The following RUNX1T1 variants were observed in gnomAD, a reference collection of about 807,000 sequenced individuals.
RUNX1T1 encodes the protein protein CBFA2T1.
Under a neutral mutation model 62.8 loss-of-function variants are expected in RUNX1T1, and 4 were observed. The observed-to-expected ratio is 0.06, with a 90% CI of 0.03 to 0.15. The LOEUF (loss-of-function observed/expected upper bound fraction) is 0.15. Among genes scored for constraint, RUNX1T1 ranks in the 10% least tolerant of loss-of-function variants. The probability of loss-of-function intolerance (pLI) is 1.00; values close to 1 mark genes in which losing one functional copy is unlikely to be tolerated. For synonymous variants in RUNX1T1, 291 were observed against 286.0 expected (o/e 1.02, Z -0.18); for missense variants, 508 against 754.3 (o/e 0.67, Z 3.82).
At chr8:92,051,324 C>T (rs867379816) in intron 1 of RUNX1T1, among the ~76,000 whole-genome samples, 1 of 151,966 alleles carries the variant, frequency 6.6e-6, no homozygotes, top group African/African-American at 2.4e-5. Flanking sequence ...GCCCAACCCT[C>T]GAAAAGTGTT....
chr8:91,955,439 CAA>C (rs1809213263), downstream of RUNX1T1: 1 of 227,082 alleles, frequency 4.4e-6, no homozygotes, highest in Non-Finnish European at 8.7e-6. Context: ...CCTAACTGTC[CAA>C]AGTGTGGGAG....
At chr8:92,018,045 C>A (rs770555163) in intron 1 of RUNX1T1, among the ~76,000 whole-genome samples, 1 of 151,408 alleles carries the variant, frequency 6.6e-6, no homozygotes, top group Non-Finnish European at 1.5e-5. Context: ...TAATCTCAAA[C>A]AGAGTTAAGA....
chr8:92,026,584 G>C (rs1051048294), intron 1 of RUNX1T1, among the ~76,000 whole-genome samples: 1 of 152,238 alleles, frequency 6.6e-6, no homozygotes, highest in Admixed American at 6.5e-5. Context: ...TACTTTGGGA[G>C]GCTGAGGCAG....
intron 10 of RUNX1T1, among the ~76,000 whole-genome samples, chr8:91,969,577 G>A (rs1222361147): frequency 1.3e-5 from 2 of 152,162 alleles, no homozygotes; most frequent in African/African-American, 4.8e-5. Flanking sequence ...GGAAAAGTCA[G>A]CAGTTAAAGG....
downstream of RUNX1T1, chr8:91,958,741 AAAAAAAC>A (rs1315666404): frequency 2.2e-5 from 4 of 181,270 alleles, no homozygotes; most frequent in Non-Finnish European, 4.7e-5. Flanking sequence ...AAAAAAAAAA[AAAAAAAC>A]AAAAAGCATG....
intron 1 of RUNX1T1, among the ~76,000 whole-genome samples, chr8:92,045,461 G>A (rs956704831): frequency 2.6e-5 from 4 of 152,206 alleles, no homozygotes; most frequent in Non-Finnish European, 4.4e-5. Context: ...TCTGCAAAAC[G>A]AGTTCTTCCT....
At chr8:92,014,620 C>T (rs779744745) in exon 3 of RUNX1T1, 26 of 1,612,952 alleles carry the variant, frequency 1.6e-5, no homozygotes, top group Non-Finnish European at 2.2e-5. Flanking sequence ...TCTCCTATCT[C>T]GGGTGAAATG....
intron 1 of RUNX1T1, among the ~76,000 whole-genome samples, chr8:92,026,788 C>T (rs1033019490): frequency 2.0e-5 from 3 of 150,748 alleles, no homozygotes; most frequent in Non-Finnish European, 4.4e-5. Flanking sequence ...TGCCACTGCA[C>T]TCCAGCCTGG....
intron 10 of RUNX1T1, among the ~76,000 whole-genome samples, chr8:91,963,231 T>C (rs1269578419): frequency 6.6e-6 from 1 of 152,192 alleles, no homozygotes; most frequent in African/African-American, 2.4e-5. Context: ...GTTTTACCTC[T>C]AGTTTCATTC....
chr8:92,067,458 G>A (rs1833034488), upstream of RUNX1T1, among the ~76,000 whole-genome samples: 1 of 152,156 alleles, frequency 6.6e-6, no homozygotes, highest in Non-Finnish European at 1.5e-5. Flanking sequence ...ATCAGTTAAA[G>A]TAAGTTAATA....
intron 1 of RUNX1T1, among the ~76,000 whole-genome samples, chr8:92,082,232 G>A (rs1835388685): frequency 6.6e-6 from 1 of 152,198 alleles, no homozygotes; most frequent in Non-Finnish European, 1.5e-5. Flanking sequence ...TCTAAGTGCA[G>A]TGAAAGGTTT....
intron 1 of RUNX1T1, among the ~76,000 whole-genome samples, chr8:92,026,549 C>A (rs1355598608): frequency 6.6e-6 from 1 of 152,242 alleles, no homozygotes; most frequent in Non-Finnish European, 1.5e-5. Flanking sequence ...CGGCTGGGCA[C>A]AGTGGCTCAT....
At chr8:92,062,846 A>G in exon 1 of RUNX1T1, 1 of 1,415,420 alleles carries the variant, frequency 7.1e-7, no homozygotes, top group Non-Finnish European at 9.2e-7. Flanking sequence ...ATGTGTGTGC[A>G]AAGTATCACA....
At chr8:92,090,123 G>A (rs900681613) in intron 1 of RUNX1T1, among the ~76,000 whole-genome samples, 1 of 151,088 alleles carries the variant, frequency 6.6e-6, no homozygotes, top group Non-Finnish European at 1.5e-5. Context: ...CAGCAAGTCA[G>A]TGATTGAACT....
At chr8:92,091,410 G>C (rs1836990936) in intron 1 of RUNX1T1, among the ~76,000 whole-genome samples, 1 of 152,136 alleles carries the variant, frequency 6.6e-6, no homozygotes, top group Admixed American at 6.5e-5. Context: ...AAACAAGCAG[G>C]TCTTACACTT....
chr8:92,055,634 T>C (rs1166948430), intron 1 of RUNX1T1, among the ~76,000 whole-genome samples: 1 of 152,180 alleles, frequency 6.6e-6, no homozygotes, highest in African/African-American at 2.4e-5. Flanking sequence ...AAGCAAACAC[T>C]GGTATATAAA....
chr8:91,994,792 T>C (rs978290222), intron 5 of RUNX1T1, among the ~76,000 whole-genome samples: 16 of 152,220 alleles, frequency 1.1e-4, no homozygotes, highest in Admixed American at 3.9e-4. Context: ...GGGTTCCACC[T>C]AAGATTTCAT....
At chr8:91,986,635 T>C (rs192289123) in intron 7 of RUNX1T1, among the ~76,000 whole-genome samples, 1 of 152,282 alleles carries the variant, frequency 6.6e-6, no homozygotes, top group East Asian at 1.9e-4. Flanking sequence ...CTTTTCACAA[T>C]AGAACAGTAG....
At chr8:91,984,287 A>T (rs931314823) in intron 8 of RUNX1T1, among the ~76,000 whole-genome samples, 2 of 152,204 alleles carry the variant, frequency 1.3e-5, no homozygotes, top group African/African-American at 2.4e-5. Flanking sequence ...TGTGTGTAGT[A>T]GTAGTGACTA....
Sources: allele counts gnomAD v4.1 joint callset (sites outside exome capture counted in the v4.1 genomes callset), GRCh38; gene constraint gnomAD v4.1.1; transcripts MANE v1.5; gene names NCBI Gene and HGNC (gene_info 2026-07-23, HGNC 2026-07-21).